NR2F1-AS1: variants seen among roughly 807,000 people sequenced by gnomAD.
The protein encoded by NR2F1-AS1 is NR2F1 antisense RNA 1.
chr5:93,529,847 T>C (rs1269860830), intron 4 of NR2F1-AS1, among the ~76,000 whole-genome samples: 1 of 152,198 alleles, frequency 6.6e-6, no homozygotes, highest in Non-Finnish European at 1.5e-5. Flanking sequence ...GTAACCTGTG[T>C]GATAAGTCTT....
chr5:93,571,100 G>T (rs953184056), intron 1 of NR2F1-AS1: 1 of 152,270 alleles, frequency 6.6e-6, no homozygotes, highest in African/African-American at 2.4e-5. Flanking sequence ...GGGCCCTGCA[G>T]CACCGAGGGC....
rs147604805 is a variant in NR2F1-AS1, at chr5:93,530,073, G to A, written n.638+23688C>T. Among the ~76,000 whole-genome samples the A allele has an allele frequency of 4.9e-4, 71 of 146,086 alleles. No homozygotes were observed. In the East Asian group the frequency reaches 0.013, roughly 26 times the overall value. On this transcript the variant is annotated intron_variant and non_coding_transcript_variant, in intron 4 of 5. Transcript: ENST00000660523. ...GCCTGCCTCCCACCTACAATTTGAA[G>A]GCTTTTTTTTTTTTTTTTTTTTTTT... is the stretch of plus-strand genomic sequence containing the variant.
intron 4 of NR2F1-AS1, among the ~76,000 whole-genome samples, chr5:93,517,457 C>G (rs1262408542): frequency 6.6e-6 from 1 of 151,960 alleles, no homozygotes; most frequent in African/African-American, 2.4e-5. Context: ...TCATTATATA[C>G]TTCTCTTTTC....
At chr5:93,565,383 G>C (rs1752594825) in intron 1 of NR2F1-AS1, among the ~76,000 whole-genome samples, 1 of 152,108 alleles carries the variant, frequency 6.6e-6, no homozygotes, top group East Asian at 1.9e-4. Flanking sequence ...AACAGTCACA[G>C]CTCCAACATT....
At chr5:93,466,939 T>G in intron 4 of NR2F1-AS1, among the ~76,000 whole-genome samples, 1 of 117,502 alleles carries the variant, frequency 8.5e-6, no homozygotes. Context: ...CTCACTGTGG[T>G]GCCCAGGCTG....
intron 4 of NR2F1-AS1, among the ~76,000 whole-genome samples, chr5:93,538,558 G>C (rs1257136513): frequency 6.6e-6 from 1 of 152,130 alleles, no homozygotes; most frequent in Non-Finnish European, 1.5e-5. Context: ...CTGCACGAAA[G>C]TGTTGAGCAT....
chr5:93,443,719 G>A (rs1020792858), intron 4 of NR2F1-AS1, among the ~76,000 whole-genome samples: 10 of 152,078 alleles, frequency 6.6e-5, no homozygotes, highest in Admixed American at 2.6e-4. Flanking sequence ...GATATTCCTC[G>A]AGAAGAGCAA....
At chr5:93,583,295 CT>C (rs1753157888), upstream of NR2F1-AS1, 1 of 148,770 alleles carries the variant, frequency 6.7e-6, no homozygotes, top group Non-Finnish European at 1.5e-5. Context: ...CTCTCTCTCT[CT>C]TCTTCTCTTC....
At chr5:93,414,644 G>T (rs186620657) in intron 4 of NR2F1-AS1, among the ~76,000 whole-genome samples, 2 of 152,240 alleles carry the variant, frequency 1.3e-5, no homozygotes, top group East Asian at 3.9e-4. Context: ...ACTATATCAG[G>T]GTTGGAGAAG....
intron 1 of NR2F1-AS1, among the ~76,000 whole-genome samples, chr5:93,575,264 C>T (rs1752870314): frequency 1.3e-5 from 2 of 152,256 alleles, no homozygotes; most frequent in Non-Finnish European, 1.5e-5. Flanking sequence ...CCTAGAAATC[C>T]AATGTCCTTT....
chr5:93,480,527 C>T lies in NR2F1-AS1; in HGVS notation n.638+73234G>A, dbSNP rs1193022009. ...TTCTTCAGGCTGAAATAAAATGATACTAAACAGTAACTTAAAGCCATACAA... is the reference window on the plus strand; with the variant it reads ...TTCTTCAGGCTGAAATAAAATGATATTAAACAGTAACTTAAAGCCATACAA... On this transcript the variant is annotated intron_variant and non_coding_transcript_variant, in intron 4 of 5. Coordinates refer to ENST00000660523, the Ensembl canonical transcript of NR2F1-AS1. Among the ~76,000 whole-genome samples, 6 of 152,070 alleles carry T rather than the reference C, an allele frequency of 3.9e-5. No individual in the cohort carries two copies. In the East Asian group the frequency reaches 1.2e-3, roughly 29 times the overall value.
chr5:93,432,621 T>G (rs576698255), intron 4 of NR2F1-AS1, among the ~76,000 whole-genome samples: 1 of 152,286 alleles, frequency 6.6e-6, no homozygotes, highest in African/African-American at 2.4e-5. Context: ...AAATAACTAT[T>G]TTAAATGGTC....
chr5:93,515,212 T>C (rs1751376798), intron 4 of NR2F1-AS1, among the ~76,000 whole-genome samples: 1 of 151,942 alleles, frequency 6.6e-6, no homozygotes, highest in Non-Finnish European at 1.5e-5. Flanking sequence ...TCTTTAACAT[T>C]ATTTTTTTAA....
chr5:93,442,688 A>G (rs1166595495), intron 4 of NR2F1-AS1, among the ~76,000 whole-genome samples: 4 of 152,216 alleles, frequency 2.6e-5, no homozygotes, highest in Non-Finnish European at 5.9e-5. Flanking sequence ...ATTTGAAGAG[A>G]GCAGTGCTTC....
At chr5:93,445,972 C>A (rs1052805261) in intron 4 of NR2F1-AS1, among the ~76,000 whole-genome samples, 3 of 152,112 alleles carry the variant, frequency 2.0e-5, no homozygotes, top group Non-Finnish European at 4.4e-5. Flanking sequence ...TCAATAGATG[C>A]AGAAAAGGTC....
At chr5:93,523,976 G>C (rs1009541089) in intron 4 of NR2F1-AS1, among the ~76,000 whole-genome samples, 2 of 152,066 alleles carry the variant, frequency 1.3e-5, no homozygotes, top group South Asian at 4.2e-4. Flanking sequence ...TCCTCACCAG[G>C]AAGGGAACAA....
At position 93,562,195 on chromosome 5, in the gene NR2F1-AS1, A is replaced by AAAAAAAGAAAAG. The variant is rs755007063; in HGVS notation, n.413+1168_413+1169insCTTTTCTTTTTT. On this transcript the variant is annotated intron_variant and non_coding_transcript_variant, in intron 2 of 5. Coordinates refer to ENST00000660523, the Ensembl canonical transcript of NR2F1-AS1. ...AAACCCATCTCTACAAAAAAAAAAAAAAAAGAAAAGAAAAGAAAAGAAAAG... is the reference window on the plus strand; with the variant it reads ...AAACCCATCTCTACAAAAAAAAAAAAAAAAAAGAAAAGAAAAGAAAAGAAAAGAAAAGAAAAG... Among the ~76,000 whole-genome samples the AAAAAAAGAAAAG allele has an allele frequency of 9.0e-4, 123 of 136,684 alleles. 1 individual carries two copies. The highest frequency in any genetic ancestry group is 2.8e-3 in the African/African-American group (93 of 33,356). 89.7% of individuals were successfully genotyped at this position (136,684 alleles called of 152,430 possible). A position where few individuals can be genotyped will look rare whatever the true frequency, so the allele number is the denominator to read the frequency against.
intron 4 of NR2F1-AS1, among the ~76,000 whole-genome samples, chr5:93,414,401 A>C (rs921994645): frequency 1.3e-5 from 2 of 152,204 alleles, no homozygotes; most frequent in African/African-American, 4.8e-5. Context: ...ATGGGATGTG[A>C]GTAGAAACTA....
At chr5:93,453,520 C>A (rs983110986) in intron 4 of NR2F1-AS1, among the ~76,000 whole-genome samples, 44 of 151,922 alleles carry the variant, frequency 2.9e-4, no homozygotes, top group African/African-American at 1.1e-3. Context: ...ATAATAATAT[C>A]ATAACATCAT....
Sources: gnomAD v4.1 joint callset for allele counts (sites outside exome capture counted in the v4.1 genomes callset) on GRCh38, gnomAD v4.1.1 for gene constraint, MANE v1.5 for transcripts, NCBI Gene and HGNC (gene_info 2026-07-23, HGNC 2026-07-21) for gene names.